Variants in FMNL2 observed in about 807,000 individuals in gnomAD.
FMNL2 encodes the protein formin-like protein 2.
Under a neutral mutation model 130.2 loss-of-function variants are expected in FMNL2, and 51 were observed. The ratio of observed to expected loss-of-function variants is 0.39; its 90% confidence interval spans 0.31 to 0.49. FMNL2 has a LOEUF of 0.49. Ranked by LOEUF, FMNL2 falls within the 20% of genes least tolerant of loss-of-function variation. The probability of loss-of-function intolerance (pLI) is 0.85; values close to 1 mark genes in which losing one functional copy is unlikely to be tolerated. For synonymous variants in FMNL2, 465 were observed against 467.1 expected, an observed-to-expected ratio of 1.00 and a Z score of 0.06; for missense variants, 977 against 1,316.2, an observed-to-expected ratio of 0.74 and a Z score of 3.99.
chr2:152,446,743 T>G (rs552763058), intron 1 of FMNL2, among the ~76,000 whole-genome samples: 122 of 152,314 alleles, frequency 8.0e-4, no homozygotes, highest in African/African-American at 2.6e-3. Flanking sequence ...TCTGCAGATA[T>G]GCAAAGGACT....
chr2:152,576,302 C>T (rs1315173959), intron 7 of FMNL2, among the ~76,000 whole-genome samples: 2 of 152,000 alleles, frequency 1.3e-5, no homozygotes, highest in African/African-American at 4.8e-5. Context: ...ACTGAGAATA[C>T]AGCATTGAAT....
intron 1 of FMNL2, among the ~76,000 whole-genome samples, chr2:152,423,904 CTCT>C (rs1687042501): frequency 1.3e-5 from 2 of 152,116 alleles, no homozygotes; most frequent in Non-Finnish European, 2.9e-5. Flanking sequence ...CACCTCCTTC[CTCT>C]TCTTTTGCAA....
intron 23 of FMNL2, among the ~76,000 whole-genome samples, chr2:152,639,243 GGA>G (rs1682881949): frequency 6.6e-6 from 1 of 152,210 alleles, no homozygotes; most frequent in Admixed American, 6.5e-5. Context: ...CAAAAGCAAT[GGA>G]GACCCAAATG....
intron 3 of FMNL2, among the ~76,000 whole-genome samples, chr2:152,547,867 G>A (rs777384780): frequency 2.0e-5 from 3 of 152,178 alleles, no homozygotes; most frequent in African/African-American, 4.8e-5. Context: ...CTGGAACTCC[G>A]CTTAGGAGGC....
intron 1 of FMNL2, among the ~76,000 whole-genome samples, chr2:152,495,316 G>A (rs562007262): frequency 3.2e-4 from 48 of 152,062 alleles, no homozygotes; most frequent in African/African-American, 1.1e-3. Context: ...CCTATTCTAC[G>A]TAGATCATAT....
At chr2:152,420,794 G>T (rs944176372) in intron 1 of FMNL2, among the ~76,000 whole-genome samples, 1 of 152,086 alleles carries the variant, frequency 6.6e-6, no homozygotes, top group African/African-American at 2.4e-5. Flanking sequence ...CTTCTGTGAC[G>T]GTACCTTTGT....
chr2:152,496,362 T>C (rs191137183), intron 1 of FMNL2, among the ~76,000 whole-genome samples: 51 of 152,316 alleles, frequency 3.3e-4, no homozygotes, highest in African/African-American at 1.1e-3. Flanking sequence ...TGTGTACATA[T>C]TAGTGCATTA....
chr2:152,520,595 CAA>C (rs35601593), intron 1 of FMNL2, among the ~76,000 whole-genome samples: 82 of 130,404 alleles, frequency 6.3e-4, no homozygotes, highest in African/African-American at 2.1e-3. Flanking sequence ...AACCCCATCT[CAA>C]AAAAAAAAAA....
intron 1 of FMNL2, among the ~76,000 whole-genome samples, chr2:152,461,052 A>G (rs142080101): frequency 9.0e-4 from 137 of 152,304 alleles, no homozygotes; most frequent in Non-Finnish European, 1.4e-3. Context: ...TCCTGGTACC[A>G]GAAAGGTTGG....
At chr2:152,626,749 T>A in intron 17 of FMNL2, 22 bp downstream of exon 17, 1 of 1,573,042 alleles carries the variant, frequency 6.4e-7, no homozygotes. Context: ...AAAATTATAT[T>A]CTAGTTAGTT....
rs752006233 is a variant in FMNL2, at chr2:152,637,589, T to A, written c.2861T>A (p.Val954Asp). 3 of 1,613,986 alleles carry A rather than the reference T, an allele frequency of 1.9e-6. No individual in the cohort carries two copies. Among genetic ancestry groups the A allele is most frequent in the Non-Finnish European group, 2.5e-6 (3 of 1,179,862 alleles). ...AKIAQDAFDD[V>D]VKYFGENPKT... ...TCTTCACAGGATGCCTTTGATGATG[T>A]TGTGAAGTATTTTGGAGAAAACCCC... Residue 954 changes from valine (V) to aspartate (D), a missense_variant, in exon 23 of 26, where the codon GTT becomes GAT. Coordinates refer to ENST00000288670, the MANE Select transcript of FMNL2 (RefSeq NM_052905.4).
intron 1 of FMNL2, among the ~76,000 whole-genome samples, chr2:152,409,585 A>G (rs943327579): frequency 6.6e-6 from 1 of 152,210 alleles, no homozygotes; most frequent in African/African-American, 2.4e-5. Flanking sequence ...TATGGGATAT[A>G]GTTGAGAGTT....
intron 1 of FMNL2, chr2:152,390,514 A>T: frequency 6.5e-7 from 1 of 1,548,048 alleles, no homozygotes; most frequent in East Asian, 2.2e-5. Flanking sequence ...AAGATGATGT[A>T]TGACCAGAGA....
chr2:152,481,129 C>T (rs760842306), intron 1 of FMNL2, among the ~76,000 whole-genome samples: 16 of 152,206 alleles, frequency 1.1e-4, no homozygotes, highest in Non-Finnish European at 1.8e-4. Flanking sequence ...TTTTATGGCT[C>T]TCTAAAGGAA....
At chr2:152,583,140 C>T (rs759310007) in intron 9 of FMNL2, among the ~76,000 whole-genome samples, 5 of 152,118 alleles carry the variant, frequency 3.3e-5, no homozygotes, top group Non-Finnish European at 5.9e-5. Flanking sequence ...AGTCTAATAC[C>T]TGGACAATAG....
intron 2 of FMNL2, among the ~76,000 whole-genome samples, chr2:152,524,777 G>A (rs141029660): frequency 3.3e-5 from 5 of 152,142 alleles, no homozygotes; most frequent in African/African-American, 9.7e-5. Flanking sequence ...GCCATTTCCC[G>A]TAAGTTTAGA....
intron 13 of FMNL2, among the ~76,000 whole-genome samples, chr2:152,618,144 C>T (rs1056619304): frequency 6.6e-6 from 1 of 152,170 alleles, no homozygotes; most frequent in African/African-American, 2.4e-5. Flanking sequence ...ATGGGCCCCC[C>T]CCTTATAAAA....
intron 1 of FMNL2, among the ~76,000 whole-genome samples, chr2:152,405,159 G>C (rs1255890826): frequency 1.3e-5 from 2 of 152,184 alleles, no homozygotes; most frequent in Non-Finnish European, 2.9e-5. Flanking sequence ...CTAGCTGCTT[G>C]TATGGACGCT....
At chr2:152,502,555 C>T (rs965683508) in intron 1 of FMNL2, among the ~76,000 whole-genome samples, 3 of 152,090 alleles carry the variant, frequency 2.0e-5, no homozygotes, top group Non-Finnish European at 4.4e-5. Flanking sequence ...GGTGTGATGG[C>T]AGGCATCTGT....
Sources: gnomAD v4.1 joint callset for allele counts (sites outside exome capture counted in the v4.1 genomes callset) on GRCh38, gnomAD v4.1.1 for gene constraint, MANE v1.5 for transcripts, NCBI Gene and HGNC (gene_info 2026-07-23, HGNC 2026-07-21) for gene names.